The following GLIS3 variants were observed in gnomAD, a reference collection of about 807,000 sequenced individuals.
The protein encoded by GLIS3 is GLIS family zinc finger 3.
Under a neutral mutation model 78.6 loss-of-function variants are expected in GLIS3, and 53 were observed. The ratio of observed to expected loss-of-function variants is 0.67; its 90% CI spans 0.54 to 0.85. The LOEUF is 0.85. Ranked by LOEUF, GLIS3 falls within the 40% of genes least tolerant of loss-of-function variation. The probability of loss-of-function intolerance (pLI) is 0.00; values close to 1 mark genes in which losing one functional copy is unlikely to be tolerated. For missense variants in GLIS3, 1,703 were observed against 1,231.1 expected (o/e 1.38, Z -5.74); for synonymous variants, 684 against 509.9 (o/e 1.34, Z -4.60).
intron 4 of GLIS3, among the ~76,000 whole-genome samples, chr9:4,094,618 G>C (rs1246854920): frequency 6.6e-6 from 1 of 152,020 alleles, no homozygotes; most frequent in Non-Finnish European, 1.5e-5. Flanking sequence ...AACCTGTAAG[G>C]GTATTTATGT....
At chr9:4,071,896 T>C (rs1402107299) in intron 4 of GLIS3, 2 of 152,126 alleles carry the variant, frequency 1.3e-5, no homozygotes, top group African/African-American at 4.8e-5. Context: ...TCCATAACAA[T>C]GCAAAAGATA....
chr9:3,957,646 C>A (rs1381574089), intron 4 of GLIS3, among the ~76,000 whole-genome samples: 2 of 152,200 alleles, frequency 1.3e-5, no homozygotes, highest in Admixed American at 1.3e-4. Flanking sequence ...TTATTAGGCA[C>A]ATACATATCG....
intron 9 of GLIS3, among the ~76,000 whole-genome samples, chr9:3,846,600 G>A (rs1319647216): frequency 1.3e-5 from 2 of 152,186 alleles, no homozygotes; most frequent in Non-Finnish European, 2.9e-5. Context: ...ATTCCAGTTA[G>A]TAACTGCCAT....
chr9:3,881,693 A>G (rs1821738711), intron 7 of GLIS3, among the ~76,000 whole-genome samples: 1 of 152,132 alleles, frequency 6.6e-6, no homozygotes, highest in Admixed American at 6.5e-5. Flanking sequence ...TCACCCATCT[A>G]TCATTCAGCC....
At chr9:4,227,205 T>C (rs1322979825) in intron 2 of GLIS3, among the ~76,000 whole-genome samples, 3 of 151,816 alleles carry the variant, frequency 2.0e-5, no homozygotes, top group Non-Finnish European at 4.4e-5. Context: ...CCTCCCTCGG[T>C]TGGGTGTTCC....
At chr9:4,370,825 G>A in the GLIS3 span, among the ~76,000 whole-genome samples, 103 of 152,082 alleles carry the variant, frequency 6.8e-4, no homozygotes, top group Non-Finnish European at 1.4e-3. Context: ...CAGCAGACCT[G>A]CTCCTGCTTC....
chr9:4,144,807 A>G (rs1369820118), intron 2 of GLIS3: 3 of 152,214 alleles, frequency 2.0e-5, no homozygotes, highest in East Asian at 1.9e-4. Context: ...TCTCGTAAAC[A>G]TAACTCACAA....
intron 2 of GLIS3, among the ~76,000 whole-genome samples, chr9:4,147,876 C>G (rs1834353760): frequency 6.6e-6 from 1 of 151,834 alleles, no homozygotes; most frequent in African/African-American, 2.4e-5. Context: ...CTGAAAATAG[C>G]TAACTCTGCA....
intron 1 of GLIS3, among the ~76,000 whole-genome samples, chr9:4,297,728 G>A (rs1232774779): frequency 6.6e-6 from 1 of 152,146 alleles, no homozygotes; most frequent in Non-Finnish European, 1.5e-5. Context: ...AGCGGATACC[G>A]GGGCAAACTA....
chr9:4,171,211 A>C (rs564127001), intron 2 of GLIS3, among the ~76,000 whole-genome samples: 35 of 152,326 alleles, frequency 2.3e-4, no homozygotes, highest in Admixed American at 3.9e-4. Flanking sequence ...ATACATATAC[A>C]TATAAGTACA....
rs185652526 is a variant in GLIS3, at chr9:4,329,047, G to A, written n.264+18034C>T. On this transcript the variant is annotated intron_variant and non_coding_transcript_variant, in intron 2 of 4. Coordinates refer to the GLIS3 transcript ENST00000471664. ...GATGAGTAAGAGTCTCTCAAATCTT[G>A]CCTGCTTGCCAGGCTATCGTTTTAA... is the stretch of plus-strand genomic sequence containing the variant. Among the ~76,000 whole-genome samples, 45 of 152,272 alleles carry A rather than the reference G, an allele frequency of 3.0e-4. No homozygotes were observed. The East Asian group carries it at 6.2e-3, about 21-fold the overall frequency.
chr9:3,978,764 G>A (rs1216448057), intron 4 of GLIS3, among the ~76,000 whole-genome samples: 4 of 151,916 alleles, frequency 2.6e-5, no homozygotes, highest in Non-Finnish European at 5.9e-5. Context: ...ATTAGAGCTG[G>A]CACTCCCAAG....
the GLIS3 span, among the ~76,000 whole-genome samples, chr9:4,385,413 C>T: frequency 1.3e-5 from 2 of 152,112 alleles, no homozygotes; most frequent in South Asian, 2.1e-4. Flanking sequence ...CCTATAATCC[C>T]AACACTGTGG....
the GLIS3 span, among the ~76,000 whole-genome samples, chr9:4,469,851 T>G: frequency 6.6e-6 from 1 of 152,124 alleles, no homozygotes; most frequent in Non-Finnish European, 1.5e-5. Context: ...TAGGAGCTGT[T>G]TTTTTGAGAA....
chr9:4,069,004 CCAG>C (rs1827355491), intron 4 of GLIS3, among the ~76,000 whole-genome samples: 1 of 151,904 alleles, frequency 6.6e-6, no homozygotes, highest in Non-Finnish European at 1.5e-5. Flanking sequence ...GAACTAAGGC[CCAG>C]AAAAGTAAGT....
rs544242509 is a variant in GLIS3 at position 4,325,728 on chromosome 9, C to T, written n.265-15200G>A. 3.3e-5 allele frequency among the ~76,000 whole-genome samples: 5 copies of T among 151,954 alleles called. No individual in the cohort carries two copies. In the East Asian group the frequency reaches 9.7e-4, roughly 29 times the overall value. On this transcript the variant is annotated intron_variant and non_coding_transcript_variant, in intron 2 of 4. Transcript: ENST00000471664. ...TAAATATGTTTGTTTTTATTTTTTT[C>T]ATCTATCAAAGTAATCTTGTTCATG...
At chr9:4,353,586 T>C in the GLIS3 span, among the ~76,000 whole-genome samples, 1 of 152,116 alleles carries the variant, frequency 6.6e-6, no homozygotes, top group Non-Finnish European at 1.5e-5. Context: ...TCTGATTCCT[T>C]ACTGAAGAGT....
chr9:4,114,408 G>A (rs1831467585), intron 4 of GLIS3, among the ~76,000 whole-genome samples: 1 of 152,122 alleles, frequency 6.6e-6, no homozygotes, highest in Admixed American at 6.5e-5. Context: ...ACATGAAACA[G>A]GGGTTTGGGA....
At chr9:4,409,046 T>C in the GLIS3 span, among the ~76,000 whole-genome samples, 1 of 152,070 alleles carries the variant, frequency 6.6e-6, no homozygotes. Flanking sequence ...CTCTTTTAAA[T>C]TGGAAAAGAA....
Sources: gnomAD v4.1 joint callset for allele counts (sites outside exome capture counted in the v4.1 genomes callset) on GRCh38, gnomAD v4.1.1 for gene constraint, MANE v1.5 for transcripts, NCBI Gene and HGNC (gene_info 2026-07-23, HGNC 2026-07-21) for gene names.